The following SDK1 variants were observed in gnomAD, a reference collection of about 807,000 sequenced individuals.
SDK1 encodes sidekick cell adhesion molecule 1, also known as protein sidekick-1.
SDK1 carries 157 observed loss-of-function variants against 245.5 expected under a neutral mutation model. The ratio of observed to expected loss-of-function variants is 0.64; its 90% CI spans 0.56 to 0.73. The LOEUF is 0.73. SDK1 is among the 30% of genes least tolerant of loss of function. The pLI, the probability that SDK1 is intolerant of heterozygous loss-of-function variation, is 0.00. For missense variants in SDK1, 3,583 were observed against 3,002.3 expected (o/e 1.19, Z -4.52); for synonymous variants, 1,647 against 1,278.5 (o/e 1.29, Z -6.15).
At chr7:3,863,124 C>G (rs916584906) in intron 5 of SDK1, among the ~76,000 whole-genome samples, 1 of 152,206 alleles carries the variant, frequency 6.6e-6, no homozygotes, top group Non-Finnish European at 1.5e-5. Flanking sequence ...GGTGCAAACC[C>G]TCAGCCTGGT....
chr7:3,691,699 C>G (rs1053651066), intron 4 of SDK1, among the ~76,000 whole-genome samples: 1 of 152,178 alleles, frequency 6.6e-6, no homozygotes, highest in Admixed American at 6.5e-5. Flanking sequence ...ACACACACCC[C>G]TTGCTGGAAG....
At chr7:3,905,172 CTT>C (rs1206813236) in intron 5 of SDK1, among the ~76,000 whole-genome samples, 1 of 151,380 alleles carries the variant, frequency 6.6e-6, no homozygotes, top group Non-Finnish European at 1.5e-5. Context: ...TCATAGATAA[CTT>C]CACCATTTTT....
At position 3,620,364 on chromosome 7, in the gene SDK1, G is replaced by A. The variant is rs192373968; in HGVS notation, c.458+1125G>A. ...GTTGCCCAGGCTGGAGTGCAGTGGC[G>A]CGATCTTGGCTCACTGCAACCTCCA... On this transcript the variant is annotated intron_variant, in intron 2 of 44. Transcript: ENST00000404826. Among the ~76,000 whole-genome samples, 16 of 151,736 alleles carry A rather than the reference G, an allele frequency of 1.1e-4. No homozygotes were observed. In the East Asian group the frequency reaches 1.4e-3, roughly 13 times the overall value.
At chr7:3,325,511 G>A (rs1057246702) in intron 1 of SDK1, among the ~76,000 whole-genome samples, 1 of 152,032 alleles carries the variant, frequency 6.6e-6, no homozygotes, top group Non-Finnish European at 1.5e-5. Flanking sequence ...ATTATAATAA[G>A]CATGTGAAGA....
chr7:3,530,900 C>T (rs1455811323), intron 1 of SDK1, among the ~76,000 whole-genome samples: 1 of 152,088 alleles, frequency 6.6e-6, no homozygotes, highest in Non-Finnish European at 1.5e-5. Flanking sequence ...ATCCATAGGT[C>T]AAGTCTAAAT....
chr7:3,388,432 A>G (rs927900461), intron 1 of SDK1, among the ~76,000 whole-genome samples: 1 of 151,830 alleles, frequency 6.6e-6, no homozygotes, highest in African/African-American at 2.4e-5. Flanking sequence ...ACTGGGTCTC[A>G]TTTTGTTGCC....
At chr7:3,650,758 C>T (rs1008512162) in intron 4 of SDK1, among the ~76,000 whole-genome samples, 2 of 151,900 alleles carry the variant, frequency 1.3e-5, no homozygotes, top group Non-Finnish European at 1.5e-5. Flanking sequence ...CTTTTCCTTT[C>T]TAAAGTTTTG....
At chr7:3,324,119 T>C (rs1015120090) in intron 1 of SDK1, among the ~76,000 whole-genome samples, 34 of 152,228 alleles carry the variant, frequency 2.2e-4, no homozygotes, top group African/African-American at 7.7e-4. Context: ...TACTCATGTT[T>C]TTCTCCTTTT....
At chr7:3,867,845 G>A (rs547936103) in intron 5 of SDK1, among the ~76,000 whole-genome samples, 13 of 152,106 alleles carry the variant, frequency 8.5e-5, no homozygotes, top group African/African-American at 2.7e-4. Context: ...TTATTTCTTC[G>A]CTATCATTCC....
chr7:4,191,064 T>G (rs1302096439), intron 35 of SDK1, among the ~76,000 whole-genome samples: 1 of 152,204 alleles, frequency 6.6e-6, no homozygotes, highest in African/African-American at 2.4e-5. Context: ...ACTTTCTGTT[T>G]CCACCCTTCA....
chr7:3,344,403 C>T (rs1021000138), intron 1 of SDK1, among the ~76,000 whole-genome samples: 4 of 151,936 alleles, frequency 2.6e-5, no homozygotes, highest in Admixed American at 6.6e-5. Flanking sequence ...TTTTTTTTCT[C>T]GTTAGTTGTA....
chr7:3,580,453 C>A (rs1254889421), intron 1 of SDK1, among the ~76,000 whole-genome samples: 1 of 152,106 alleles, frequency 6.6e-6, no homozygotes, highest in Non-Finnish European at 1.5e-5. Flanking sequence ...ACACATAGAA[C>A]AATGGAACAG....
chr7:3,829,686 G>A (rs1779867119), intron 5 of SDK1, among the ~76,000 whole-genome samples: 1 of 152,206 alleles, frequency 6.6e-6, no homozygotes, highest in African/African-American at 2.4e-5. Flanking sequence ...AAACTTGGGA[G>A]GAGGCCATCC....
At chr7:3,780,841 A>G (rs1414304914) in intron 4 of SDK1, among the ~76,000 whole-genome samples, 5 of 152,160 alleles carry the variant, frequency 3.3e-5, no homozygotes, top group African/African-American at 1.2e-4. Context: ...AGCCTGCCCA[A>G]TGACCCCACC....
intron 1 of SDK1, among the ~76,000 whole-genome samples, chr7:3,389,248 C>T (rs1043536197): frequency 2.0e-5 from 3 of 152,014 alleles, no homozygotes; most frequent in Admixed American, 6.6e-5. Context: ...AATGAGACTA[C>T]AGATATGATT....
intron 5 of SDK1, among the ~76,000 whole-genome samples, chr7:3,852,297 A>G (rs1420688675): frequency 6.6e-6 from 1 of 151,982 alleles, no homozygotes; most frequent in South Asian, 2.1e-4. Flanking sequence ...GACGGATGGC[A>G]CCAGGCCTTT....
At chr7:3,458,238 T>A (rs2128593940) in intron 1 of SDK1, among the ~76,000 whole-genome samples, 1 of 152,270 alleles carries the variant, frequency 6.6e-6, no homozygotes, top group Middle Eastern at 3.4e-3. Context: ...GGAAGATATA[T>A]TATTTTCCCA....
At chr7:4,009,306 C>A (rs1044502240) in intron 14 of SDK1, among the ~76,000 whole-genome samples, 2 of 152,214 alleles carry the variant, frequency 1.3e-5, no homozygotes, top group African/African-American at 4.8e-5. Flanking sequence ...GGGGCCCTGC[C>A]TTCTACCAAC....
Position 4,127,504 on chromosome 7 carries a change from A to G in SDK1, c.3939+8A>G. 6.3e-7 allele frequency: 1 copy of G among 1,596,998 alleles called. No individual in the cohort carries two copies. Among genetic ancestry groups the G allele is most frequent in the African/African-American group, 1.3e-5 (1 of 74,704 alleles). On this transcript the variant is annotated splice_region_variant and intron_variant, in intron 26 of 44. Coordinates refer to ENST00000404826, the MANE Select transcript of SDK1 (RefSeq NM_152744.4). Reference sequence around the variant, plus strand: ...CTCATACTGGGCTACAAGGTGTGTGATCACAGGATGACCTCCCTTTGCTTA... The same window carrying G: ...CTCATACTGGGCTACAAGGTGTGTGGTCACAGGATGACCTCCCTTTGCTTA...
Sources: gnomAD v4.1 joint callset for allele counts (sites outside exome capture counted in the v4.1 genomes callset) on GRCh38, gnomAD v4.1.1 for gene constraint, MANE v1.5 for transcripts, NCBI Gene and HGNC (gene_info 2026-07-23, HGNC 2026-07-21) for gene names.